Variants in CCDC3 observed in about 807,000 individuals in gnomAD.
The protein encoded by CCDC3 is coiled-coil domain containing 3.
A neutral mutation model predicts 21.4 loss-of-function variants in CCDC3; 24 were observed. That is an observed-to-expected ratio of 1.12 (90% CI 0.81 to 1.58). The LOEUF is 1.58. Ranked by LOEUF, CCDC3 falls within the 40% of genes most tolerant of loss-of-function variation. The pLI, the probability that CCDC3 is intolerant of heterozygous loss-of-function variation, is 0.00. For synonymous variants in CCDC3, 186 were observed against 166.0 expected (o/e 1.12, Z -0.93); for missense variants, 425 against 360.9 (o/e 1.18, Z -1.44).
intron 2 of CCDC3, among the ~76,000 whole-genome samples, chr10:12,945,346 A>T (rs1351424650): frequency 6.6e-6 from 1 of 152,162 alleles, no homozygotes; most frequent in Non-Finnish European, 1.5e-5. Flanking sequence ...TGTTTTGTTA[A>T]AGGCAAAAAG....
intron 2 of CCDC3, among the ~76,000 whole-genome samples, chr10:12,943,764 T>G (rs1481039788): frequency 6.6e-6 from 1 of 152,208 alleles, no homozygotes; most frequent in Non-Finnish European, 1.5e-5. Flanking sequence ...ACTCTGTGCA[T>G]TTCGCCACAG....
chr10:12,945,432 G>A (rs768842436), intron 2 of CCDC3, among the ~76,000 whole-genome samples: 11 of 151,888 alleles, frequency 7.2e-5, no homozygotes, highest in Non-Finnish European at 1.0e-4. Flanking sequence ...AAAAAACCCC[G>A]AATGGATATA....
intron 2 of CCDC3, among the ~76,000 whole-genome samples, chr10:12,920,920 G>C (rs1834441357): frequency 6.6e-6 from 1 of 152,182 alleles, no homozygotes; most frequent in Non-Finnish European, 1.5e-5. Context: ...CTTCAAATAA[G>C]AAGATTTATT....
chr10:12,951,527 G>A (rs1276328130), intron 2 of CCDC3, among the ~76,000 whole-genome samples: 1 of 152,024 alleles, frequency 6.6e-6, no homozygotes, highest in Non-Finnish European at 1.5e-5. Flanking sequence ...GCAGTTTTGT[G>A]ACACTCTGTG....
chr10:13,025,957 G>A (rs1836208881), intron 5 of CCDC3, among the ~76,000 whole-genome samples: 3 of 152,114 alleles, frequency 2.0e-5, no homozygotes, highest in Non-Finnish European at 2.9e-5. Flanking sequence ...GAGGTCGGAG[G>A]ATCACTTGAG....
intron 3 of CCDC3, among the ~76,000 whole-genome samples, chr10:13,091,698 G>A (rs1832572245): frequency 6.6e-6 from 1 of 151,720 alleles, no homozygotes; most frequent in Middle Eastern, 3.4e-3. Flanking sequence ...CCCTCCATCT[G>A]CATAAAAGCT....
chr10:13,074,940 A>G (rs1286252328), intron 3 of CCDC3, among the ~76,000 whole-genome samples: 2 of 152,220 alleles, frequency 1.3e-5, no homozygotes, highest in Admixed American at 6.5e-5. Flanking sequence ...TGCTGGCCCT[A>G]TAGAAATAGA....
intron 3 of CCDC3, among the ~76,000 whole-genome samples, chr10:13,091,819 C>CAAAA (rs1832575876): frequency 8.9e-5 from 5 of 56,226 alleles, no homozygotes; most frequent in Non-Finnish European, 1.6e-4. Flanking sequence ...AAAGCCCAAT[C>CAAAA]CAAAAAAAAA....
At chr10:13,049,906 CAATATTTTTCTCTCCACTG>C (rs1190042363) in exon 5 of CCDC3, 1 of 152,142 alleles carries the variant, frequency 6.6e-6, no homozygotes, top group East Asian at 1.9e-4. Flanking sequence ...GAAAAAGAAA[CAATATTTTTCTCTCCACTG>C]CTCTTCCAAG....
intron 2 of CCDC3, among the ~76,000 whole-genome samples, chr10:12,976,854 G>A (rs1835425034): frequency 6.6e-6 from 1 of 152,078 alleles, no homozygotes. Flanking sequence ...ATGAAGTCTG[G>A]GTGTTTAATG....
At chr10:12,908,156 T>C (rs150332784) in intron 2 of CCDC3, among the ~76,000 whole-genome samples, 3 of 152,320 alleles carry the variant, frequency 2.0e-5, no homozygotes, top group Non-Finnish European at 2.9e-5. Context: ...ATAAATCTAC[T>C]ACAAAGGTTT....
chr10:12,998,702 T>C (rs1194238772), intron 1 of CCDC3, among the ~76,000 whole-genome samples, 190 bp from the exon 2 acceptor site: 2 of 152,202 alleles, frequency 1.3e-5, no homozygotes, highest in Admixed American at 6.5e-5. Flanking sequence ...CTTAAGGTTT[T>C]CAAAAAGATG....
At chr10:12,933,723 C>A (rs896224690) in intron 2 of CCDC3, among the ~76,000 whole-genome samples, 1 of 152,004 alleles carries the variant, frequency 6.6e-6, no homozygotes, top group African/African-American at 2.4e-5. Flanking sequence ...CTCCCAAAGT[C>A]CTGGGATTAC....
intron 2 of CCDC3, among the ~76,000 whole-genome samples, chr10:12,917,059 G>C (rs1834368316): frequency 6.6e-6 from 1 of 152,102 alleles, no homozygotes; most frequent in African/African-American, 2.4e-5. Context: ...GCCCAGTGTA[G>C]GTCTGAGGCG....
chr10:13,095,751 G>C (rs528887103), intron 3 of CCDC3, among the ~76,000 whole-genome samples: 1 of 152,238 alleles, frequency 6.6e-6, no homozygotes, highest in South Asian at 2.1e-4. Context: ...GGTGGTGTTT[G>C]TACAGCTCTA....
At chr10:12,914,434 T>C (rs538240191) in intron 2 of CCDC3, among the ~76,000 whole-genome samples, 2 of 152,192 alleles carry the variant, frequency 1.3e-5, no homozygotes, top group Admixed American at 6.6e-5. Flanking sequence ...TCCTCTTTCA[T>C]TTCTGATTTT....
At chr10:13,002,796 AG>A (rs1302625736), upstream of CCDC3, among the ~76,000 whole-genome samples, 4 of 152,234 alleles carry the variant, frequency 2.6e-5, no homozygotes, top group Non-Finnish European at 4.4e-5. Flanking sequence ...TTTTGGAGGC[AG>A]GAAGTCCAAG....
At chr10:13,052,354 C>T (rs1836618708) in intron 4 of CCDC3, among the ~76,000 whole-genome samples, 1 of 152,056 alleles carries the variant, frequency 6.6e-6, no homozygotes, top group South Asian at 2.1e-4. Context: ...GCTTGGGCAA[C>T]AGAGCGAGAC....
chr10:12,946,901 C>T (rs760705521), intron 2 of CCDC3, among the ~76,000 whole-genome samples: 17 of 152,130 alleles, frequency 1.1e-4, no homozygotes, highest in Admixed American at 2.0e-4. Flanking sequence ...CCTGTCACTA[C>T]ATTCAGCCCC....
Sources: gnomAD v4.1 joint callset for allele counts (sites outside exome capture counted in the v4.1 genomes callset) on GRCh38, gnomAD v4.1.1 for gene constraint, MANE v1.5 for transcripts, NCBI Gene and HGNC (gene_info 2026-07-23, HGNC 2026-07-21) for gene names.